PTTG2: variants seen among roughly 807,000 people sequenced by gnomAD.
The protein encoded by PTTG2 is pituitary tumor-transforming 2.
For missense variants in PTTG2, 218 were observed against 226.3 expected, an observed-to-expected ratio of 0.96 and a Z score of 0.23; for synonymous variants, 90 against 84.2, an observed-to-expected ratio of 1.07 and a Z score of -0.37.
the PTTG2 span, chr4:37,960,796 AT>A: frequency 6.2e-7 from 1 of 1,614,052 alleles, no homozygotes; most frequent in South Asian, 1.1e-5. Context: ...TTTCCCTTCA[AT>A]CTTCTAGACT....
Position 37,960,785 on chromosome 4 carries a change from C to T in PTTG2, c.351C>T (p.Phe117=), listed in dbSNP as rs377286613. ...ACGCCTATCCAGAAATAGAAAAATT[C>T]TTTCCCTTCAATCTTCTAGACTTTG... ...SDDAYPEIEK[F]FPFNLLDFES... is the part of the protein sequence containing the mutation. Residue 117 remains phenylalanine, a synonymous_variant, in exon 1 of 1, where the codon TTC becomes TTT. Transcript: ENST00000504686. 1.0e-4 allele frequency: 168 copies of T among 1,614,038 alleles called. No individual in the cohort carries two copies. The highest frequency in any genetic ancestry group is 1.4e-4 in the Non-Finnish European group (161 of 1,180,038).
In PTTG2 at chr4:37,960,515, G is replaced by A. The variant is rs747523393; in HGVS notation, c.81G>A (p.Glu27=). The A allele has an allele frequency of 6.2e-7, 1 of 1,614,182 alleles. No individual in the cohort carries two copies. The highest frequency in any genetic ancestry group is 8.5e-7 in the Non-Finnish European group (1 of 1,180,028). ...CTGCCAAGGATGTGCTGAAGCTGGA[G>A]TCTAGACCTTCAATCAAAGCATTAG... ...RVAAKDVLKL[E]SRPSIKALDG... is the part of the protein sequence containing the mutation. Residue 27 remains glutamate (E), a synonymous_variant, in exon 1 of 1, where the codon GAG becomes GAA. Coordinates refer to ENST00000504686, the MANE Select transcript of PTTG2 (RefSeq NM_006607.3).
chr4:37,960,728 TAAAAC>T, the PTTG2 span: 81 of 1,614,040 alleles, frequency 5.0e-5, no homozygotes, highest in Admixed American at 1.2e-4. Flanking sequence ...AGAAGACTGT[TAAAAC>T]AAAAAGTTCT....
rs1729741795 is a variant in PTTG2, at chr4:37,960,411, T to C, written c.-24T>C. ...GACCACGGTCTTAGATGAATGTGGCTGTTGAGAGCGGCAATAATCCAGAAT... is the reference window on the plus strand; with the variant it reads ...GACCACGGTCTTAGATGAATGTGGCCGTTGAGAGCGGCAATAATCCAGAAT... On this transcript the variant is annotated 5_prime_UTR_variant, in exon 1 of 1. Coordinates refer to ENST00000504686, the MANE Select transcript of PTTG2 (RefSeq NM_006607.3). The C allele has an allele frequency of 6.3e-7, 1 of 1,586,012 alleles. No homozygotes were observed. Among genetic ancestry groups the C allele is most frequent in the Non-Finnish European group, 8.6e-7 (1 of 1,163,852 alleles).
Position 37,960,825 on chromosome 4 carries a change from C to A in PTTG2, c.391C>A (p.Pro131Thr), listed in dbSNP as rs773185229. ...TCTAGACTTTGAGAGTTTTGACCTG[C>A]CTGAAGAGCGCCAGATTGCACACCT... ...NLLDFESFDL[P>T]EERQIAHLPL... The change falls in exon 1 of 1, where the codon CCT (proline) becomes ACT (threonine). Residue 131 changes from proline to threonine, a missense_variant. Transcript: ENST00000504686. 1 of 1,614,006 alleles carries A rather than the reference C, an allele frequency of 6.2e-7. No individual in the cohort carries two copies. The highest frequency in any genetic ancestry group is 8.5e-7 in the Non-Finnish European group (1 of 1,180,020).
chr4:37,960,430 C>T lies in PTTG2; in HGVS notation c.-5C>T. The stretch of plus-strand genomic sequence containing the variant: ...TGTGGCTGTTGAGAGCGGCAATAAT[C>T]CAGAATGGCTACTCTGATCTACGTT... On this transcript the variant is annotated 5_prime_UTR_variant, in exon 1 of 1. Transcript: ENST00000504686. The T allele has an allele frequency of 6.2e-7, 1 of 1,607,764 alleles. No homozygotes were observed. The highest frequency in any genetic ancestry group is 8.5e-7 in the Non-Finnish European group (1 of 1,177,714).
chr4:37,960,457 A>G lies in PTTG2; in HGVS notation c.23A>G (p.Asp8Gly). 2 of 1,613,824 alleles carry G rather than the reference A, an allele frequency of 1.2e-6. No homozygotes were observed. The highest frequency in any genetic ancestry group is 1.7e-6 in the Non-Finnish European group (2 of 1,179,856). The change falls in exon 1 of 1, where the codon GAT becomes GGT. Residue 8 changes from aspartate to glycine, a missense_variant. By Grantham distance (94) the Asp-to-Gly change is moderately conservative. Coordinates refer to ENST00000504686, the MANE Select transcript of PTTG2 (RefSeq NM_006607.3). The stretch of plus-strand genomic sequence containing the variant: ...AGAATGGCTACTCTGATCTACGTTG[A>G]TAAGGAAATTGGAGAACCAGGCACC... MATLIYV[D>G]KEIGEPGTRV...
rs1381694341 is a variant in PTTG2 at position 37,960,807 on chromosome 4, T to G, written c.373T>G (p.Phe125Val). Residue 125 changes from phenylalanine to valine, a missense_variant, in exon 1 of 1, where the codon TTT (phenylalanine) becomes GTT (valine). By Grantham distance (50) the Phe-to-Val change is conservative. Coordinates refer to ENST00000504686, the MANE Select transcript of PTTG2 (RefSeq NM_006607.3). Reference protein sequence around the residue: ...EKFFPFNLLDFESFDLPEERQ... With the variant: ...EKFFPFNLLDVESFDLPEERQ... ...ATTCTTTCCCTTCAATCTTCTAGAC[T>G]TTGAGAGTTTTGACCTGCCTGAAGA... The G allele has an allele frequency of 4.3e-6, 7 of 1,614,020 alleles. No individual in the cohort carries two copies. The highest frequency in any genetic ancestry group is 1.6e-4 in the Middle Eastern group (1 of 6,084).
chr4:37,960,466 T>C lies in PTTG2; in HGVS notation c.32T>C (p.Ile11Thr), dbSNP rs1185107901. 1 of 1,613,750 alleles carries C rather than the reference T, an allele frequency of 6.2e-7. No individual in the cohort carries two copies. Among genetic ancestry groups the C allele is most frequent in the African/African-American group, 1.3e-5 (1 of 74,898 alleles). The change falls in exon 1 of 1, where the codon ATT becomes ACT. Residue 11 changes from isoleucine to threonine, a missense_variant. Coordinates refer to ENST00000504686, the MANE Select transcript of PTTG2 (RefSeq NM_006607.3). MATLIYVDKE[I>T]GEPGTRVAAK... is the part of the protein sequence containing the mutation. ...ACTCTGATCTACGTTGATAAGGAAA[T>C]TGGAGAACCAGGCACCCGTGTGGCT...
At position 37,960,674 on chromosome 4, in the gene PTTG2, C is replaced by A; in HGVS notation, c.240C>A (p.Pro80=). 1 of 1,614,172 alleles carries A rather than the reference C, an allele frequency of 6.2e-7. No homozygotes were observed. The highest frequency in any genetic ancestry group is 8.5e-7 in the Non-Finnish European group (1 of 1,180,032). Residue 80 remains proline, a synonymous_variant, in exon 1 of 1, where the codon CCC becomes CCA. Transcript: ENST00000504686. ...ATEKSVKTNG[P]RKQKQPSFSA... is the part of the protein sequence containing the mutation. ...AAAAGTCAGTAAAGACCAATGGACCCAGAAAACAAAAACAGCCAAGCTTTT... is the reference window on the plus strand; with the variant it reads ...AAAAGTCAGTAAAGACCAATGGACCAAGAAAACAAAAACAGCCAAGCTTTT...
At position 37,961,020 on chromosome 4, in the gene PTTG2, T is replaced by C. The variant is rs757221811; in HGVS notation, c.*10T>C. On this transcript the variant is annotated 3_prime_UTR_variant, in exon 1 of 1. Transcript: ENST00000504686. Reference sequence around the variant, plus strand: ...CGACCCTGGATGTTGAATTGCCAGCTGTTTGCTATGACATAGATATTTAAA... The same window carrying C: ...CGACCCTGGATGTTGAATTGCCAGCCGTTTGCTATGACATAGATATTTAAA... 1 of 1,613,946 alleles carries C rather than the reference T, an allele frequency of 6.2e-7. No homozygotes were observed. Among genetic ancestry groups the C allele is most frequent in the East Asian group, 2.2e-5 (1 of 44,894 alleles).
At position 37,960,796 on chromosome 4, in the gene PTTG2, A is replaced by G. The variant is rs780433596; in HGVS notation, c.362A>G (p.Asn121Ser). 3.7e-6 allele frequency: 6 copies of G among 1,614,052 alleles called. No individual in the cohort carries two copies. The South Asian group carries it at 6.6e-5, about 18-fold the overall frequency. The change falls in exon 1 of 1, where the codon AAT becomes AGT. Residue 121 changes from asparagine (N) to serine (S), a missense_variant. Coordinates refer to ENST00000504686, the MANE Select transcript of PTTG2 (RefSeq NM_006607.3). ...GAAATAGAAAAATTCTTTCCCTTCA[A>G]TCTTCTAGACTTTGAGAGTTTTGAC... is the stretch of plus-strand genomic sequence containing the variant. ...YPEIEKFFPF[N>S]LLDFESFDLP...
In PTTG2 at chr4:37,960,819, G is replaced by C; in HGVS notation, c.385G>C (p.Asp129His). The change falls in exon 1 of 1, where the codon GAC becomes CAC. Residue 129 changes from aspartate (D) to histidine (H), a missense_variant. By Grantham distance (81) the Asp-to-His change is moderately conservative (BLOSUM62 -1). Coordinates refer to ENST00000504686, the MANE Select transcript of PTTG2 (RefSeq NM_006607.3). The part of the protein sequence containing the change: ...PFNLLDFESF[D>H]LPEERQIAHL... Reference sequence around the variant, plus strand: ...CAATCTTCTAGACTTTGAGAGTTTTGACCTGCCTGAAGAGCGCCAGATTGC... The same window carrying C: ...CAATCTTCTAGACTTTGAGAGTTTTCACCTGCCTGAAGAGCGCCAGATTGC... 1 of 1,614,098 alleles carries C rather than the reference G, an allele frequency of 6.2e-7. No homozygotes were observed. Among genetic ancestry groups the C allele is most frequent in the South Asian group, 1.1e-5 (1 of 91,076 alleles).
chr4:37,960,944 C>G lies in PTTG2; in HGVS notation c.510C>G (p.Pro170=). The G allele has an allele frequency of 1.2e-6, 2 of 1,614,184 alleles. No homozygotes were observed. Among genetic ancestry groups the G allele is most frequent in the Middle Eastern group, 1.6e-4 (1 of 6,062 alleles). ...QLGPPSPVKM[P]SPPWECNLFA... ...GCCCCCCTTCACCTGTGAAAATGCC[C>G]TCTCCACCATGGGAATGCAATCTGT... Residue 170 remains proline (P), a synonymous_variant, in exon 1 of 1, where the codon CCC becomes CCG. Transcript: ENST00000504686.
rs1268913883 is a variant in PTTG2 at position 37,960,977 on chromosome 4, C to T, written c.543C>T (p.Val181=). Residue 181 remains valine (V), a synonymous_variant, in exon 1 of 1, where the codon GTC becomes GTT. Transcript: ENST00000504686. ...SPPWECNLFA[V]SFKHSVDPGC ...CATGGGAATGCAATCTGTTTGCAGT[C>T]TCCTTCAAGCATTCTGTCGACCCTG... 1.9e-6 allele frequency: 3 copies of T among 1,614,098 alleles called. No homozygotes were observed. Among genetic ancestry groups the T allele is most frequent in the Non-Finnish European group, 2.5e-6 (3 of 1,180,026 alleles).
At chr4:37,960,955 G>A in the PTTG2 span, 1 of 1,614,092 alleles carries the variant, frequency 6.2e-7, no homozygotes, top group Non-Finnish European at 8.5e-7. Flanking sequence ...TCTCCACCAT[G>A]GGAATGCAAT....
Position 37,960,565 on chromosome 4 carries a change from G to C in PTTG2, c.131G>C (p.Arg44Pro), listed in dbSNP as rs6811863. 958,357 of 1,613,780 alleles carry C rather than the reference G, an allele frequency of 0.59. 290,836 individuals carry two copies. Among genetic ancestry groups the C allele is most frequent in the East Asian group, 0.96 (43,081 of 44,868 alleles). The change falls in exon 1 of 1, where the codon CGA becomes CCA. Residue 44 changes from arginine to proline, a missense_variant. Arg to Pro is a moderately radical substitution (Grantham distance 103). Coordinates refer to ENST00000504686, the MANE Select transcript of PTTG2 (RefSeq NM_006607.3). ...ALDGISQVLT[R>P]RFGKTYDAPS... ...GATGGGATATCTCAAGTTTTAACAC[G>C]ACGTTTTGGCAAAACATACGATGCT...
rs375394690 is a variant in PTTG2 at position 37,960,489 on chromosome 4, G to T, written c.55G>T (p.Ala19Ser). The stretch of plus-strand genomic sequence containing the variant: ...AATTGGAGAACCAGGCACCCGTGTG[G>T]CTGCCAAGGATGTGCTGAAGCTGGA... ...KEIGEPGTRV[A>S]AKDVLKLESR... The change falls in exon 1 of 1, where the codon GCT becomes TCT. Residue 19 changes from alanine to serine, a missense_variant. Transcript: ENST00000504686. 7.4e-6 allele frequency: 12 copies of T among 1,613,942 alleles called. No individual in the cohort carries two copies. The highest frequency in any genetic ancestry group is 1.0e-5 in the Non-Finnish European group (12 of 1,179,982).
At position 37,961,117 on chromosome 4, in the gene PTTG2, CATAAAT is replaced by C. The variant is rs768675301; in HGVS notation, c.*113_*118del. Reference sequence around the variant, plus strand: ...TATTTGTTTAACAACATAATAAATACATAAATATAAAGTGGGTCATATTCCTCTTTA... The same window carrying C: ...TATTTGTTTAACAACATAATAAATACATAAAGTGGGTCATATTCCTCTTTA... On this transcript the variant is annotated 3_prime_UTR_variant, in exon 1 of 1. Coordinates refer to ENST00000504686, the MANE Select transcript of PTTG2 (RefSeq NM_006607.3). 28 of 1,466,584 alleles carry C rather than the reference CATAAAT, an allele frequency of 1.9e-5. No individual in the cohort carries two copies. The highest frequency in any genetic ancestry group is 1.4e-4 in the South Asian group (12 of 84,714). The allele number at this position is 1,466,584 out of a possible 1,614,324, so 90.8% of individuals were successfully genotyped here.
Sources: gnomAD v4.1 joint callset for allele counts on GRCh38, gnomAD v4.1.1 for gene constraint, MANE v1.5 for transcripts, NCBI Gene and HGNC (gene_info 2026-07-23, HGNC 2026-07-21) for gene names.